SPATA6L: variants seen among roughly 807,000 people sequenced by gnomAD.
SPATA6L encodes spermatogenesis associated 6-like protein.
A neutral mutation model predicts 49.2 loss-of-function variants in SPATA6L; 68 were observed. That is an observed-to-expected ratio of 1.38 (90% CI 1.14 to 1.69). The LOEUF (loss-of-function observed/expected upper bound fraction) is 1.69. Ranked by LOEUF, SPATA6L falls within the 40% of genes most tolerant of loss-of-function variation. The probability of loss-of-function intolerance (pLI) is 0.00; values close to 1 mark genes in which losing one functional copy is unlikely to be tolerated. For synonymous variants in SPATA6L, 198 were observed against 165.7 expected (o/e 1.19, Z -1.50); for missense variants, 668 against 464.3 (o/e 1.44, Z -4.03).
Position 4,662,637 on chromosome 9 carries a change from G to A in SPATA6L, c.40-601C>T, listed in dbSNP as rs1840114562. On this transcript the variant is annotated intron_variant, in intron 1 of 11. Transcript: ENST00000682582. This position sits in a 1 kb window ranked among gnomAD's most constrained non-coding sequence, Gnocchi z 4.9. ...GCAGTCGCCCGCGCCTCCGCTGCCC[G>A]AGGAGGACCGCATGGACTTGAACCC... The A allele has an allele frequency of 6.3e-7, 1 of 1,598,592 alleles. No individual in the cohort carries two copies. Among genetic ancestry groups the A allele is most frequent in the Non-Finnish European group, 8.5e-7 (1 of 1,179,510 alleles).
intron 4 of SPATA6L, among the ~76,000 whole-genome samples, chr9:4,632,285 G>A (rs1180130427): frequency 6.6e-6 from 1 of 151,838 alleles, no homozygotes; most frequent in Non-Finnish European, 1.5e-5. Flanking sequence ...TATCTCGGAG[G>A]CAATCAGCTG....
intron 5 of SPATA6L, chr9:4,626,765 C>G (rs1830428634): frequency 6.4e-6 from 2 of 312,200 alleles, no homozygotes; most frequent in Non-Finnish European, 1.3e-5. Flanking sequence ...AGACAGATTA[C>G]AGTACTTCCA....
At chr9:4,654,499 A>G (rs1384313849) in intron 3 of SPATA6L, among the ~76,000 whole-genome samples, 1 of 152,118 alleles carries the variant, frequency 6.6e-6, no homozygotes, top group Non-Finnish European at 1.5e-5. Context: ...GTGTTAGCTC[A>G]ATTAGACCCT....
At chr9:4,594,846 T>G (rs1400268481), downstream of SPATA6L, among the ~76,000 whole-genome samples, 1 of 152,082 alleles carries the variant, frequency 6.6e-6, no homozygotes, top group Non-Finnish European at 1.5e-5. Flanking sequence ...CATAAGGCCT[T>G]CACGATAAGA....
intron 3 of SPATA6L, among the ~76,000 whole-genome samples, chr9:4,654,322 G>A (rs1018788442): frequency 6.6e-6 from 1 of 152,202 alleles, no homozygotes. Context: ...CGTGCGATGG[G>A]GGTGTGGCTC....
intron 9 of SPATA6L, among the ~76,000 whole-genome samples, chr9:4,608,943 A>G (rs1010495887): frequency 3.3e-5 from 5 of 152,168 alleles, no homozygotes; most frequent in Admixed American, 6.5e-5. Flanking sequence ...AATAGACGCA[A>G]TATAAAATGA....
At chr9:4,601,379 T>G (rs1356763868) in intron 11 of SPATA6L, among the ~76,000 whole-genome samples, 18 of 151,178 alleles carry the variant, frequency 1.2e-4, no homozygotes, top group Admixed American at 1.2e-3. Context: ...TTTTTTTTTT[T>G]GTTTGGTTTT....
At chr9:4,648,282 G>A (rs1460639829) in intron 3 of SPATA6L, among the ~76,000 whole-genome samples, 1 of 152,070 alleles carries the variant, frequency 6.6e-6, no homozygotes, top group Non-Finnish European at 1.5e-5. Flanking sequence ...ATGAGAGGAG[G>A]GAATATATAT....
At position 4,629,767 on chromosome 9, in the gene SPATA6L, GTGTA is replaced by G. The variant is rs1215857338; in HGVS notation, c.352-603_352-600del. Among the ~76,000 whole-genome samples the G allele has an allele frequency of 3.1e-3, 279 of 88,890 alleles. 1 individual carries two copies. The highest frequency in any genetic ancestry group is 0.017 in the African/African-American group (266 of 15,642). The allele number at this position is 88,890 out of a possible 152,430, so 58.3% of individuals were successfully genotyped here. A position where few individuals can be genotyped will look rare whatever the true frequency, so the allele number is the denominator to read the frequency against. ...TTGTGTTTTATATATGTGTGTGTGT[GTGTA>G]TATATATATATATATATATATATAT... On this transcript the variant is annotated intron_variant, in intron 4 of 11. Transcript: ENST00000682582.
chr9:4,643,171 C>T (rs1236894916), intron 3 of SPATA6L, among the ~76,000 whole-genome samples: 1 of 152,202 alleles, frequency 6.6e-6, no homozygotes, highest in Non-Finnish European at 1.5e-5. Flanking sequence ...TCATTCCCAG[C>T]TAATTTTTGT....
intron 10 of SPATA6L, 31 bp from the exon 11 acceptor site, chr9:4,604,300 TACCC>T: frequency 6.3e-6 from 9 of 1,437,928 alleles, no homozygotes; most frequent in Non-Finnish European, 8.8e-6. Flanking sequence ...GCAATTATGT[TACCC>T]ATAACATAAT....
chr9:4,607,717 T>G (rs1175324472), intron 9 of SPATA6L, among the ~76,000 whole-genome samples: 2 of 152,114 alleles, frequency 1.3e-5, no homozygotes, highest in Non-Finnish European at 2.9e-5. Flanking sequence ...CCGTCGAGAC[T>G]AGGAAGAAAC....
At chr9:4,645,300 A>G (rs1835121453) in intron 3 of SPATA6L, among the ~76,000 whole-genome samples, 1 of 152,242 alleles carries the variant, frequency 6.6e-6, no homozygotes, top group African/African-American at 2.4e-5. Flanking sequence ...ACATCCAAAA[A>G]GTAGAAATGT....
intron 9 of SPATA6L, among the ~76,000 whole-genome samples, chr9:4,616,443 C>T (rs934548297): frequency 1.3e-4 from 20 of 152,156 alleles, no homozygotes; most frequent in Admixed American, 1.3e-3. Flanking sequence ...GTCTTTAAAT[C>T]CAGGATGACC....
At chr9:4,663,041 G>C (rs1840247681) in intron 1 of SPATA6L, 1 of 1,613,678 alleles carries the variant, frequency 6.2e-7, no homozygotes, top group Admixed American at 1.7e-5. Flanking sequence ...CCCTGATGTC[G>C]AGGTTCATCC....
At chr9:4,617,802 TCA>T in intron 9 of SPATA6L, 119 bp downstream of exon 9, 1 of 758,740 alleles carries the variant, frequency 1.3e-6, no homozygotes, top group Non-Finnish European at 2.0e-6. Flanking sequence ...AATCATTTTT[TCA>T]TATCAAGGTG....
intron 6 of SPATA6L, among the ~76,000 whole-genome samples, chr9:4,623,705 T>C (rs1475432931): frequency 6.6e-6 from 1 of 152,164 alleles, no homozygotes; most frequent in Admixed American, 6.5e-5. Context: ...TTAAATAAAA[T>C]AAGTATCAAA....
intron 4 of SPATA6L, among the ~76,000 whole-genome samples, chr9:4,631,531 TA>T (rs1234447081): frequency 6.6e-6 from 1 of 151,458 alleles, no homozygotes; most frequent in African/African-American, 2.4e-5. Flanking sequence ...ATTGCAAAAA[TA>T]AAAAAATTCT....
At chr9:4,618,813 C>A (rs770556853) in intron 8 of SPATA6L, 51 bp downstream of exon 8, 1 of 1,524,188 alleles carries the variant, frequency 6.6e-7, no homozygotes. Context: ...CAATAATTGA[C>A]ATAAGATATC....
Sources: gnomAD v4.1 joint callset for allele counts (sites outside exome capture counted in the v4.1 genomes callset) on GRCh38, gnomAD v4.1.1 for gene constraint, Gnocchi (gnomAD v3.1) non-coding constraint, MANE v1.5 for transcripts, NCBI Gene and HGNC (gene_info 2026-07-23, HGNC 2026-07-21) for gene names.